DCDC1: variants seen among roughly 807,000 people sequenced by gnomAD.
DCDC1 encodes the protein doublecortin domain containing 1, also known as doublecortin domain-containing protein 1.
In DCDC1, 200 loss-of-function variants were observed where a neutral mutation model predicts 178.3. That is an observed-to-expected ratio of 1.12 (90% CI 1.00 to 1.26). The LOEUF is 1.26. DCDC1 is among the 50% of genes most tolerant of loss of function. The pLI is 0.00. For synonymous variants in DCDC1, 690 were observed against 604.8 expected (o/e 1.14, Z -2.07); for missense variants, 1,983 against 1,749.2 (o/e 1.13, Z -2.38).
chr11:31,315,233 C>T (rs1949005102), intron 3 of DCDC1, among the ~76,000 whole-genome samples: 1 of 151,020 alleles, frequency 6.6e-6, no homozygotes, highest in African/African-American at 2.4e-5. Flanking sequence ...AGTGGTGCTG[C>T]TCATTACTCC....
chr11:31,281,029 A>G, intron 7 of DCDC1: 1 of 528,032 alleles, frequency 1.9e-6, no homozygotes. Context: ...TCCCGCTCTG[A>G]AGCTAGACGT....
chr11:31,171,882 G>T (rs1294894705), intron 9 of DCDC1, among the ~76,000 whole-genome samples: 1 of 152,128 alleles, frequency 6.6e-6, no homozygotes, highest in Non-Finnish European at 1.5e-5. Context: ...GCTCATCAAG[G>T]TAAGCTTATA....
At chr11:31,037,130 A>G (rs1954092183) in intron 20 of DCDC1, among the ~76,000 whole-genome samples, 1 of 152,232 alleles carries the variant, frequency 6.6e-6, no homozygotes, top group South Asian at 2.1e-4. Context: ...ACTGAAGTAG[A>G]GAGTGGGAAT....
chr11:30,920,427 T>C (rs1946163438), intron 25 of DCDC1, among the ~76,000 whole-genome samples: 1 of 152,214 alleles, frequency 6.6e-6, no homozygotes, highest in South Asian at 2.1e-4. Context: ...TATATTAACA[T>C]GTGTCAACTT....
intron 7 of DCDC1, among the ~76,000 whole-genome samples, chr11:31,276,083 T>C (rs7945475): frequency 0.26 from 39,998 of 152,154 alleles, 5,415 homozygotes; most frequent in African/African-American, 0.32. Context: ...CTGGATTTCT[T>C]CCTTCCTTTT....
At chr11:31,359,776 T>C (rs1171404634) in intron 1 of DCDC1, among the ~76,000 whole-genome samples, 1 of 152,180 alleles carries the variant, frequency 6.6e-6, no homozygotes, top group Non-Finnish European at 1.5e-5. Flanking sequence ...GGGTGTGAGA[T>C]ACTGATAAAA....
chr11:31,333,891 G>C (rs1950134415), intron 2 of DCDC1, among the ~76,000 whole-genome samples: 1 of 152,090 alleles, frequency 6.6e-6, no homozygotes, highest in South Asian at 2.1e-4. Flanking sequence ...TCTTTGTGGT[G>C]TTCTCTGTAT....
intron 3 of DCDC1, 91 bp from the exon 4 acceptor site, chr11:31,307,999 G>A (rs1216488456): frequency 1.3e-6 from 2 of 1,511,810 alleles, no homozygotes; most frequent in Non-Finnish European, 1.8e-6. Context: ...TGTGCTATGT[G>A]CTACACAAAA....
At chr11:31,086,220 G>A (rs1957464983) in intron 17 of DCDC1, among the ~76,000 whole-genome samples, 2 of 152,124 alleles carry the variant, frequency 1.3e-5, no homozygotes, top group Admixed American at 1.3e-4. Context: ...AACGACTTAT[G>A]AGAGTTCTAG....
At chr11:31,040,168 A>T (rs1954339265) in intron 20 of DCDC1, among the ~76,000 whole-genome samples, 1 of 152,178 alleles carries the variant, frequency 6.6e-6, no homozygotes, top group Admixed American at 6.5e-5. Flanking sequence ...AAATAGACAC[A>T]ACAGAGCCTA....
intron 8 of DCDC1, among the ~76,000 whole-genome samples, chr11:31,252,918 T>G (rs1010936596): frequency 8.5e-5 from 13 of 152,186 alleles, no homozygotes; most frequent in African/African-American, 3.1e-4. Context: ...AAAGTGAGAT[T>G]TTGGTGATCA....
intron 11 of DCDC1, among the ~76,000 whole-genome samples, chr11:31,125,408 C>T (rs1167651076): frequency 6.6e-6 from 1 of 152,136 alleles, no homozygotes; most frequent in African/African-American, 2.4e-5. Flanking sequence ...CCATTTGATC[C>T]AGCATCTCAT....
chr11:31,343,946 A>C (rs1950683299), intron 1 of DCDC1, among the ~76,000 whole-genome samples: 1 of 151,952 alleles, frequency 6.6e-6, no homozygotes, highest in Non-Finnish European at 1.5e-5. Context: ...TAAATAAATA[A>C]ATAAATGAAA....
intron 20 of DCDC1, among the ~76,000 whole-genome samples, chr11:30,992,875 G>A (rs927988541): frequency 3.9e-5 from 6 of 152,042 alleles, no homozygotes; most frequent in African/African-American, 1.4e-4. Flanking sequence ...GTTTTTGTGT[G>A]TTATATTCTA....
intron 11 of DCDC1, among the ~76,000 whole-genome samples, chr11:31,114,714 A>C (rs1370861779): frequency 6.6e-6 from 1 of 152,182 alleles, no homozygotes; most frequent in Non-Finnish European, 1.5e-5. Context: ...AAAGTAAATA[A>C]GAAATCAGAG....
chr11:31,012,506 T>C (rs1304661319), intron 20 of DCDC1, among the ~76,000 whole-genome samples: 1 of 151,720 alleles, frequency 6.6e-6, no homozygotes, highest in Non-Finnish European at 1.5e-5. Flanking sequence ...CTCTGGAGGC[T>C]TAGGTGGGAG....
chr11:31,151,549 T>C (rs1386527919), intron 9 of DCDC1, among the ~76,000 whole-genome samples: 1 of 152,206 alleles, frequency 6.6e-6, no homozygotes, highest in East Asian at 1.9e-4. Context: ...AATGTCATTA[T>C]TTTTTCATAC....
intron 36 of DCDC1, among the ~76,000 whole-genome samples, chr11:30,885,645 C>T (rs72894864): frequency 9.7e-4 from 148 of 152,070 alleles, no homozygotes; most frequent in Admixed American, 2.6e-3. Flanking sequence ...TTTCTTCTGT[C>T]GAACCTGCAA....
chr11:31,070,736 C>T (rs542797736), intron 18 of DCDC1, among the ~76,000 whole-genome samples: 1 of 152,268 alleles, frequency 6.6e-6, no homozygotes, highest in Admixed American at 6.5e-5. Context: ...GAACCCCATC[C>T]ATTTATGAGA....
Sources: allele counts gnomAD v4.1 joint callset (sites outside exome capture counted in the v4.1 genomes callset), GRCh38; gene constraint gnomAD v4.1.1; transcripts MANE v1.5; gene names NCBI Gene and HGNC (gene_info 2026-07-23, HGNC 2026-07-21).